Variants in LGR4 observed in about 807,000 individuals in gnomAD.
The protein encoded by LGR4 is leucine-rich repeat-containing G protein-coupled receptor 4.
In LGR4, 44 loss-of-function variants were observed where a neutral mutation model predicts 84.8. That is an observed-to-expected ratio of 0.52 (90% confidence interval 0.41 to 0.67). The LOEUF is 0.67. Among genes scored for constraint, LGR4 ranks in the 30% least tolerant of loss-of-function variants. The pLI, the probability that LGR4 is intolerant of heterozygous loss-of-function variation, is 0.00. For synonymous variants in LGR4, 429 were observed against 434.3 expected (o/e 0.99, Z 0.15); for missense variants, 1,032 against 1,131.4 (o/e 0.91, Z 1.26).
chr11:27,451,277 G>C (rs1354635253), intron 1 of LGR4, among the ~76,000 whole-genome samples: 1 of 152,082 alleles, frequency 6.6e-6, no homozygotes, highest in Non-Finnish European at 1.5e-5. Flanking sequence ...TTTTAATGAA[G>C]AGTACCCACC....
chr11:27,468,616 T>C (rs746764100), intron 1 of LGR4, among the ~76,000 whole-genome samples: 5 of 151,238 alleles, frequency 3.3e-5, no homozygotes, highest in Non-Finnish European at 7.4e-5. Flanking sequence ...TATAAAATCA[T>C]AGAACTTCTG....
chr11:27,371,463 G>C, intron 17 of LGR4, 152 bp downstream of exon 17: 1 of 510,358 alleles, frequency 2.0e-6, no homozygotes, highest in Non-Finnish European at 3.4e-6. Flanking sequence ...CTAAGCTGCT[G>C]GCTGGTACGC....
intron 6 of LGR4, among the ~76,000 whole-genome samples, chr11:27,383,469 G>C (rs935400793): frequency 6.6e-6 from 1 of 152,134 alleles, no homozygotes; most frequent in Admixed American, 6.5e-5. Context: ...ATCTGAGTTT[G>C]GAACTATCCT....
chr11:27,404,445 A>G (rs1288362350), intron 2 of LGR4, among the ~76,000 whole-genome samples: 2 of 152,224 alleles, frequency 1.3e-5, no homozygotes, highest in Non-Finnish European at 2.9e-5. Flanking sequence ...CGATTCTTCA[A>G]TAATACTTTG....
chr11:27,366,715 C>G lies in LGR4; in HGVS notation c.*1152G>C, dbSNP rs1246974468. Reference sequence around the variant, plus strand: ...ACAGGACTAAGCTTTATTCTTTCTTCTTCTATTTTTATTAATAACATATTA... The same window carrying G: ...ACAGGACTAAGCTTTATTCTTTCTTGTTCTATTTTTATTAATAACATATTA... On this transcript the variant is annotated 3_prime_UTR_variant, in exon 18 of 18. Coordinates refer to ENST00000379214, the MANE Select transcript of LGR4 (RefSeq NM_018490.5). 6.6e-6 allele frequency: 1 copy of G among 152,464 alleles called. No homozygotes were observed. Among genetic ancestry groups the G allele is most frequent in the Non-Finnish European group, 1.5e-5 (1 of 67,940 alleles). 9.4% of individuals were successfully genotyped at this position (152,464 alleles called of 1,614,324 possible).
chr11:27,415,322 G>C (rs775814159), intron 1 of LGR4, among the ~76,000 whole-genome samples: 1 of 152,134 alleles, frequency 6.6e-6, no homozygotes, highest in Non-Finnish European at 1.5e-5. Flanking sequence ...CACTGTAACA[G>C]AAAAACTGAT....
intron 2 of LGR4, among the ~76,000 whole-genome samples, chr11:27,406,631 A>G (rs1863615711): frequency 6.6e-6 from 1 of 152,138 alleles, no homozygotes; most frequent in Admixed American, 6.6e-5. Flanking sequence ...CAAATGACAC[A>G]CTATAGGCAA....
intron 1 of LGR4, among the ~76,000 whole-genome samples, chr11:27,443,864 C>A (rs1291797798): frequency 6.6e-6 from 1 of 152,164 alleles, no homozygotes; most frequent in Non-Finnish European, 1.5e-5. Context: ...TAATTGGCTT[C>A]TTTCACCTCT....
intron 1 of LGR4, among the ~76,000 whole-genome samples, chr11:27,434,725 G>A (rs557708589): frequency 6.6e-6 from 1 of 152,182 alleles, no homozygotes; most frequent in East Asian, 1.9e-4. Flanking sequence ...CCTATTCATA[G>A]CCCCTGAAAT....
At chr11:27,390,338 A>G (rs1863260569) in intron 4 of LGR4, among the ~76,000 whole-genome samples, 2 of 152,210 alleles carry the variant, frequency 1.3e-5, no homozygotes, top group African/African-American at 4.8e-5. Flanking sequence ...ATTTTATACC[A>G]GCACACATAA....
chr11:27,371,738 T>C (rs1862887676), intron 16 of LGR4, 40 bp from the exon 17 acceptor site: 2 of 1,454,220 alleles, frequency 1.4e-6, no homozygotes, highest in East Asian at 2.3e-5. Context: ...TAAAACCTTA[T>C]GCAACTCAAA....
At chr11:27,399,550 C>T (rs542658192) in intron 2 of LGR4, among the ~76,000 whole-genome samples, 2 of 150,480 alleles carry the variant, frequency 1.3e-5, no homozygotes, top group African/African-American at 2.4e-5. Context: ...AGTGGAGTCT[C>T]GCACTGTCTC....
At position 27,368,162 on chromosome 11, in the gene LGR4, T is replaced by G. The variant is rs201752835; in HGVS notation, c.2561A>C (p.Asn854Thr). Reference sequence around the variant, plus strand: ...TTCGCAGCAGTCGCAAACAGTCAGGTTGCCCTGCAAATGTGAGTACATGCC... The same window carrying G: ...TTCGCAGCAGTCGCAAACAGTCAGGGTGCCCTGCAAATGTGAGTACATGCC... ...DCGMYSHLQG[N>T]LTVCDCCESF... is the part of the protein sequence containing the mutation. The change falls in exon 18 of 18, where the codon AAC becomes ACC. Residue 854 changes from asparagine (N) to threonine (T), a missense_variant. Transcript: ENST00000379214. 7 of 1,614,208 alleles carry G rather than the reference T, an allele frequency of 4.3e-6. No homozygotes were observed. The Admixed American group carries it at 1.2e-4, about 27-fold the overall frequency.
At chr11:27,457,265 C>T (rs1011676491) in intron 1 of LGR4, among the ~76,000 whole-genome samples, 3 of 152,106 alleles carry the variant, frequency 2.0e-5, no homozygotes, top group East Asian at 1.9e-4. Flanking sequence ...ACTAAATATC[C>T]ATTTTTTAAA....
chr11:27,431,324 C>T (rs1864113206), intron 1 of LGR4, among the ~76,000 whole-genome samples: 1 of 152,186 alleles, frequency 6.6e-6, no homozygotes, highest in African/African-American at 2.4e-5. Context: ...TTTTGATGCA[C>T]ATTCACATGT....
intron 2 of LGR4, among the ~76,000 whole-genome samples, chr11:27,397,830 C>T (rs948500766): frequency 6.6e-6 from 1 of 152,142 alleles, no homozygotes; most frequent in Non-Finnish European, 1.5e-5. Context: ...TCAAAGGGGA[C>T]ACCGTTTACC....
At chr11:27,392,656 T>TA in intron 2 of LGR4, 138 bp from the exon 3 acceptor site, 1 of 695,506 alleles carries the variant, frequency 1.4e-6, no homozygotes, top group East Asian at 2.8e-5. Context: ...AACGTGGACT[T>TA]AAACCCTTGC....
chr11:27,465,271 T>C (rs922687236), intron 1 of LGR4, among the ~76,000 whole-genome samples: 4 of 152,220 alleles, frequency 2.6e-5, no homozygotes, highest in African/African-American at 4.8e-5. Flanking sequence ...GAAGGATATA[T>C]ATTTTAAATA....
intron 13 of LGR4, among the ~76,000 whole-genome samples, chr11:27,375,852 C>A (rs1862967786): frequency 6.6e-6 from 1 of 151,910 alleles, no homozygotes; most frequent in Non-Finnish European, 1.5e-5. Context: ...TGCCAATGTA[C>A]AATTAGCTAA....
Sources: allele counts gnomAD v4.1 joint callset (sites outside exome capture counted in the v4.1 genomes callset), GRCh38; gene constraint gnomAD v4.1.1; transcripts MANE v1.5; gene names NCBI Gene and HGNC (gene_info 2026-07-23, HGNC 2026-07-21).